PIK3AP1: variants seen among roughly 807,000 people sequenced by gnomAD.
PIK3AP1 encodes phosphoinositide-3-kinase adaptor protein 1.
Under a neutral mutation model 88.1 loss-of-function variants are expected in PIK3AP1, and 21 were observed. The ratio of observed to expected loss-of-function variants is 0.24; its 90% CI spans 0.17 to 0.34. The LOEUF (loss-of-function observed/expected upper bound fraction) is 0.34. PIK3AP1 is among the 10% of genes least tolerant of loss of function. PIK3AP1 has a pLI of 1.00. For synonymous variants in PIK3AP1, 398 were observed against 400.0 expected, an observed-to-expected ratio of 1.00 and a Z score of 0.06; for missense variants, 828 against 1,035.7, an observed-to-expected ratio of 0.80 and a Z score of 2.75.
chr10:96,668,831 A>T (rs1402085595), intron 2 of PIK3AP1, among the ~76,000 whole-genome samples: 1 of 152,194 alleles, frequency 6.6e-6, no homozygotes, highest in African/African-American at 2.4e-5. Flanking sequence ...GAGGACTCAG[A>T]TTTAACCACC....
chr10:96,606,713 C>T (rs946916020), intron 14 of PIK3AP1, among the ~76,000 whole-genome samples: 2 of 152,220 alleles, frequency 1.3e-5, no homozygotes, highest in East Asian at 1.9e-4. Context: ...AAGCATCTAA[C>T]GCCATGCTAC....
intron 14 of PIK3AP1, among the ~76,000 whole-genome samples, chr10:96,605,069 A>G (rs1405209334): frequency 6.6e-6 from 1 of 152,178 alleles, no homozygotes; most frequent in Admixed American, 6.5e-5. Flanking sequence ...CATGTTGGCC[A>G]GGCTGGTCTC....
intron 2 of PIK3AP1, among the ~76,000 whole-genome samples, chr10:96,666,490 C>T (rs1156886620): frequency 2.0e-5 from 3 of 151,928 alleles, no homozygotes; most frequent in Admixed American, 6.6e-5. Flanking sequence ...ATTAATTAGT[C>T]GACACTAAAG....
intron 14 of PIK3AP1, among the ~76,000 whole-genome samples, chr10:96,605,249 T>A (rs1276707530): frequency 6.6e-6 from 1 of 152,228 alleles, no homozygotes; most frequent in Non-Finnish European, 1.5e-5. Context: ...ACCTGTATCA[T>A]TAGATTAGCA....
At chr10:96,683,791 C>T (rs938806171) in intron 2 of PIK3AP1, among the ~76,000 whole-genome samples, 19 of 152,194 alleles carry the variant, frequency 1.2e-4, no homozygotes, top group African/African-American at 4.6e-4. Context: ...TCATCCAAGA[C>T]CTCATTACTT....
Position 96,645,611 on chromosome 10 carries a change from C to G in PIK3AP1, c.1237G>C (p.Glu413Gln). ...SHIKEELMHG[E>Q]EADAVYESMA... ...GACTCGTACACAGCATCAGCCTCCT[C>G]CCCGTGCATCAGTTCCTCTTTAATG... The change falls in exon 8 of 17, where the codon GAG (glutamate) becomes CAG (glutamine). Residue 413 changes from glutamate (E) to glutamine (Q), a missense_variant. Glu to Gln is a conservative substitution (Grantham distance 29). Around this residue, in one of 3 missense-constraint regions of PIK3AP1, gnomAD observed 610 missense variants for 760.1 expected, o/e 0.80. Coordinates refer to ENST00000339364, the MANE Select transcript of PIK3AP1 (RefSeq NM_152309.3). The G allele has an allele frequency of 6.2e-7, 1 of 1,611,602 alleles. No homozygotes were observed.
chr10:96,637,023 G>A (rs1356013276), intron 8 of PIK3AP1, among the ~76,000 whole-genome samples: 1 of 152,194 alleles, frequency 6.6e-6, no homozygotes, highest in Admixed American at 6.5e-5. Flanking sequence ...ATAACACAGT[G>A]AAATGTCAGC....
rs1329719454 is a variant in PIK3AP1 at position 96,645,547 on chromosome 10, G to A, written c.1301C>T (p.Ser434Leu). 3.1e-6 allele frequency: 5 copies of A among 1,613,984 alleles called. No homozygotes were observed. The highest frequency in any genetic ancestry group is 3.3e-5 in the Admixed American group (2 of 59,992). The change falls in exon 8 of 17, where the codon TCG becomes TTG. Residue 434 changes from serine to leucine, a missense_variant. Ser to Leu is a moderately radical substitution (Grantham distance 145). Coordinates refer to ENST00000339364, the MANE Select transcript of PIK3AP1 (RefSeq NM_152309.3). Reference protein sequence around the residue: ...HLSTDLLMKCSLNPGCDEDLY... With the variant: ...HLSTDLLMKCLLNPGCDEDLY... ...ATCCTCGTCACAGCCGGGGTTGAGC[G>A]AGCATTTCATAAGCAGGTCTGTGGA...
At chr10:96,688,755 G>A (rs1413930773) in intron 2 of PIK3AP1, among the ~76,000 whole-genome samples, 1 of 151,740 alleles carries the variant, frequency 6.6e-6, no homozygotes, top group Non-Finnish European at 1.5e-5. Flanking sequence ...CTGAGATCAT[G>A]CCACTGTACT....
chr10:96,706,408 T>C (rs887859947), intron 2 of PIK3AP1, among the ~76,000 whole-genome samples: 19 of 152,240 alleles, frequency 1.2e-4, no homozygotes, highest in African/African-American at 4.1e-4. Context: ...TTATAGGGAA[T>C]GTACCTAAGG....
chr10:96,659,912 C>T (rs1374553592), intron 2 of PIK3AP1, among the ~76,000 whole-genome samples: 9 of 151,954 alleles, frequency 5.9e-5, no homozygotes, highest in Admixed American at 5.2e-4. Flanking sequence ...CAATGTTCTT[C>T]TTTATAATAC....
At chr10:96,718,394 C>T (rs945896749) in intron 1 of PIK3AP1, among the ~76,000 whole-genome samples, 2 of 152,182 alleles carry the variant, frequency 1.3e-5, no homozygotes, top group Admixed American at 6.5e-5. Context: ...CCTTGGCGAG[C>T]GGCATTGCTC....
At chr10:96,648,890 A>G (rs1396976808) in intron 6 of PIK3AP1, 35 bp from the exon 7 acceptor site, 2 of 1,508,118 alleles carry the variant, frequency 1.3e-6, no homozygotes, top group African/African-American at 2.8e-5. Flanking sequence ...ATAGGCAGAT[A>G]AAAATAAAGG....
intron 8 of PIK3AP1, 106 bp from the exon 9 acceptor site, chr10:96,628,599 G>T (rs1474118167): frequency 2.2e-6 from 2 of 914,918 alleles, no homozygotes; most frequent in Non-Finnish European, 3.6e-6. Flanking sequence ...AGAGATTCAA[G>T]CATTCATCAA....
intron 8 of PIK3AP1, among the ~76,000 whole-genome samples, chr10:96,639,114 A>G (rs1843352134): frequency 3.3e-5 from 5 of 152,214 alleles, no homozygotes; most frequent in Admixed American, 3.3e-4. Flanking sequence ...ATGAAAGAAA[A>G]GGCAGCTTGT....
At chr10:96,717,289 A>T (rs1223180362) in intron 1 of PIK3AP1, among the ~76,000 whole-genome samples, 1 of 151,104 alleles carries the variant, frequency 6.6e-6, no homozygotes, top group East Asian at 1.9e-4. Flanking sequence ...CACTGGAGAG[A>T]AGTACAGACA....
At chr10:96,654,864 G>A (rs1315496493) in intron 3 of PIK3AP1, among the ~76,000 whole-genome samples, 1 of 152,202 alleles carries the variant, frequency 6.6e-6, no homozygotes, top group Non-Finnish European at 1.5e-5. Flanking sequence ...TGTCCACAAA[G>A]GCATGGCCAG....
chr10:96,611,383 A>G (rs111289107), intron 13 of PIK3AP1, among the ~76,000 whole-genome samples: 21 of 151,146 alleles, frequency 1.4e-4, no homozygotes, highest in African/African-American at 5.1e-4. Context: ...AGGGGCACTC[A>G]CTCTCATATG....
At chr10:96,636,345 A>G (rs904683026) in intron 8 of PIK3AP1, among the ~76,000 whole-genome samples, 2 of 152,240 alleles carry the variant, frequency 1.3e-5, no homozygotes, top group Non-Finnish European at 2.9e-5. Context: ...CTAATTAGGC[A>G]CTAAGTCCTG....
Sources: gnomAD v4.1 joint callset for allele counts (sites outside exome capture counted in the v4.1 genomes callset) on GRCh38, gnomAD v4.1.1 for gene constraint, gnomAD v4.1.1 regional missense constraint, MANE v1.5 for transcripts, NCBI Gene and HGNC (gene_info 2026-07-23, HGNC 2026-07-21) for gene names.